The following KIF5A variants were observed in gnomAD, a reference collection of about 807,000 sequenced individuals.
KIF5A encodes kinesin heavy chain isoform 5A.
A neutral mutation model predicts 141.3 loss-of-function variants in KIF5A; 35 were observed. That is an observed-to-expected ratio of 0.25 (90% confidence interval 0.19 to 0.33). The LOEUF is 0.33. KIF5A is among the 10% of genes least tolerant of loss of function. The pLI is 1.00. For synonymous variants in KIF5A, 448 were observed against 500.2 expected (o/e 0.90, Z 1.39); for missense variants, 861 against 1,314.3 (o/e 0.66, Z 5.33).
rs1349657516 is a variant in KIF5A at position 57,550,504 on chromosome 12, G to C, written c.129+104G>C. 5.7e-6 allele frequency: 7 copies of C among 1,218,370 alleles called. No homozygotes were observed. In the East Asian group the frequency reaches 1.5e-4, roughly 26 times the overall value. 75.5% of individuals were successfully genotyped at this position (1,218,370 alleles called of 1,614,324 possible). A position where few individuals can be genotyped will look rare whatever the true frequency, so the allele number is the denominator to read the frequency against. On this transcript the variant is annotated intron_variant, in intron 1 of 28. Coordinates refer to ENST00000455537, the MANE Select transcript of KIF5A (RefSeq NM_004984.4). The surrounding 1 kb of genome is among the most constrained non-coding windows in gnomAD (Gnocchi z 4.6). Reference sequence around the variant, plus strand: ...GCTGGTCCCTTTGCTCCCCCTCCCCGCCGCTCATCCTTCATCCTCTTCCCC... The same window carrying C: ...GCTGGTCCCTTTGCTCCCCCTCCCCCCCGCTCATCCTTCATCCTCTTCCCC...
intron 16 of KIF5A, 41 bp from the exon 17 acceptor site, chr12:57,575,599 T>G: frequency 6.5e-7 from 1 of 1,536,720 alleles, no homozygotes; most frequent in Non-Finnish European, 9.0e-7. Context: ...GTTTGTGTCC[T>G]TTGCTCCATC....
chr12:57,565,305 C>T (rs1425118528), intron 6 of KIF5A, among the ~76,000 whole-genome samples: 1 of 151,940 alleles, frequency 6.6e-6, no homozygotes, highest in Non-Finnish European at 1.5e-5. Flanking sequence ...CTTGTAATCC[C>T]AGCTATTTGG....
In KIF5A at chr12:57,573,828, C is replaced by CA. The variant is rs556161029; in HGVS notation, c.1716+1121dup. On this transcript the variant is annotated intron_variant, in intron 15 of 28. Coordinates refer to ENST00000455537, the MANE Select transcript of KIF5A (RefSeq NM_004984.4). Reference sequence around the variant, plus strand: ...GGGCAACAAGAGTGAAACTCCGTCTCAAAAAAAAAAAAAAAAAAATTTGGG... The same window carrying CA: ...GGGCAACAAGAGTGAAACTCCGTCTCAAAAAAAAAAAAAAAAAAAATTTGGG... Among the ~76,000 whole-genome samples the CA allele has an allele frequency of 7.9e-3, 512 of 65,130 alleles. 4 individuals are homozygous for CA. Among genetic ancestry groups the CA allele is most frequent in the African/African-American group, 0.015 (301 of 19,812 alleles). The allele number at this position is 65,130 out of a possible 152,430, so 42.7% of individuals were successfully genotyped here.
chr12:57,581,443 A>G lies in KIF5A; in HGVS notation c.2784A>G (p.Pro928=), dbSNP rs1467156414. 7.4e-6 allele frequency: 12 copies of G among 1,613,950 alleles called. No homozygotes were observed. The highest frequency in any genetic ancestry group is 1.0e-5 in the Non-Finnish European group (12 of 1,179,976). Residue 928 remains proline (P), a synonymous_variant, in exon 25 of 29, where the codon CCA becomes CCG. Transcript: ENST00000455537. ...IAKPVRPGHY[P]ASSPTNPYGT... ...AACCCGTCCGGCCTGGCCACTACCC[A>G]GCATCCTCACCCACCAACCCCTATG...
In KIF5A at chr12:57,563,698, G is replaced by A. The variant is rs775732465; in HGVS notation, c.291+5G>A. ...GGGAAAACACATACCATGGAGGTGA[G>A]GGTTCTGGCTTTGGTGGTTGAGGGG... On this transcript the variant is annotated splice_donor_5th_base_variant and intron_variant, in intron 3 of 28. Coordinates refer to ENST00000455537, the MANE Select transcript of KIF5A (RefSeq NM_004984.4). The A allele has an allele frequency of 1.4e-5, 23 of 1,613,470 alleles. No homozygotes were observed. Among genetic ancestry groups the A allele is most frequent in the Non-Finnish European group, 2.0e-5 (23 of 1,179,452 alleles).
chr12:57,563,609 G>A lies in KIF5A; in HGVS notation c.218-11G>A, dbSNP rs1313442968. On this transcript the variant is annotated splice_polypyrimidine_tract_variant and intron_variant, in intron 2 of 28. Transcript: ENST00000455537. ...TCTCCACCAGTACTCTTTCTCTACT[G>A]TCTCTTCCAGATGTCCTTGCTGGCT... 1.2e-6 allele frequency: 2 copies of A among 1,613,930 alleles called. No individual in the cohort carries two copies. Among genetic ancestry groups the A allele is most frequent in the East Asian group, 4.5e-5 (2 of 44,886 alleles).
At position 57,568,419 on chromosome 12, in the gene KIF5A, A is replaced by G. The variant is rs1437356066; in HGVS notation, c.715-544A>G. Among the ~76,000 whole-genome samples the G allele has an allele frequency of 2.0e-5, 3 of 152,024 alleles. No homozygotes were observed. The East Asian group carries it at 5.8e-4, about 29-fold the overall frequency. On this transcript the variant is annotated intron_variant, in intron 8 of 28. Transcript: ENST00000455537. ...GTCTCTATGGATTTGCCTATCCTGA[A>G]CATTTCATATAAATGGAATCATATG...
intron 1 of KIF5A, among the ~76,000 whole-genome samples, chr12:57,553,024 A>G (rs1881626731): frequency 6.6e-6 from 1 of 152,074 alleles, no homozygotes; most frequent in African/African-American, 2.4e-5. Context: ...GGCTTAGCCA[A>G]AGTTAATGGC....
rs1343755854 is a variant in KIF5A at position 57,586,323 on chromosome 12, C to T, written c.*2142C>T. ...AGCGCAGATGAGGAGAGAGATGACA[C>T]AGAGGGAGCAGCCTTCTCTTTAGCA... is the stretch of plus-strand genomic sequence containing the variant. On this transcript the variant is annotated 3_prime_UTR_variant, in exon 29 of 29. Transcript: ENST00000455537. 1 of 152,198 alleles carries T rather than the reference C, an allele frequency of 6.6e-6. No individual in the cohort carries two copies. Among genetic ancestry groups the T allele is most frequent in the Admixed American group, 6.5e-5 (1 of 15,282 alleles). The allele number at this position is 152,198 out of a possible 1,614,324, so 9.4% of individuals were successfully genotyped here. A position where few individuals can be genotyped will look rare whatever the true frequency, so the allele number is the denominator to read the frequency against.
At chr12:57,565,491 G>A (rs1273398158) in intron 6 of KIF5A, among the ~76,000 whole-genome samples, 2 of 151,518 alleles carry the variant, frequency 1.3e-5, no homozygotes, top group African/African-American at 2.4e-5. Flanking sequence ...AATTTAATTT[G>A]CAAATCAAAG....
intron 12 of KIF5A, 136 bp downstream of exon 12, chr12:57,570,298 A>G (rs938647597): frequency 1.1e-4 from 87 of 771,672 alleles, no homozygotes; most frequent in Admixed American, 2.7e-4. Flanking sequence ...AAACATCAAT[A>G]TAAATGTATG....
rs570782912 is a variant in KIF5A, at chr12:57,570,636, C to T, written c.1293+474C>T. Among the ~76,000 whole-genome samples the T allele has an allele frequency of 3.3e-4, 50 of 152,150 alleles. 1 individual carries two copies. Among genetic ancestry groups the T allele is most frequent in the African/African-American group, 1.2e-3 (48 of 41,510 alleles). Reference sequence around the variant, plus strand: ...CTGACCTCTGGCGATCCGCCCGCCTCGGCCCCCTGAAGTGCTTGGATTACA... The same window carrying T: ...CTGACCTCTGGCGATCCGCCCGCCTTGGCCCCCTGAAGTGCTTGGATTACA... On this transcript the variant is annotated intron_variant, in intron 12 of 28. Transcript: ENST00000455537.
At chr12:57,574,263 T>C (rs1882351370) in intron 15 of KIF5A, among the ~76,000 whole-genome samples, 1 of 141,754 alleles carries the variant, frequency 7.1e-6, no homozygotes, top group South Asian at 2.4e-4. Flanking sequence ...AGTGGGGGAC[T>C]GTCAGAATTG....
intron 7 of KIF5A, 62 bp downstream of exon 7, chr12:57,567,275 G>T: frequency 7.1e-7 from 1 of 1,408,320 alleles, no homozygotes; most frequent in East Asian, 2.3e-5. Context: ...TGTGTCCTCT[G>T]GGGTGGAGGG....
intron 1 of KIF5A, among the ~76,000 whole-genome samples, chr12:57,552,674 C>T (rs1272772322): frequency 3.3e-5 from 5 of 152,160 alleles, no homozygotes; most frequent in Admixed American, 2.0e-4. Flanking sequence ...AAGGAAATTC[C>T]TACTCCTTTT....
intron 24 of KIF5A, 46 bp downstream of exon 24, chr12:57,581,218 A>T (rs1445517747): frequency 6.4e-7 from 1 of 1,573,548 alleles, no homozygotes; most frequent in South Asian, 1.1e-5. Flanking sequence ...CCTGAAGCAA[A>T]TTTAGCAAAT....
chr12:57,564,043 A>C, intron 3 of KIF5A, 65 bp from the exon 4 acceptor site: 8 of 1,134,482 alleles, frequency 7.1e-6, no homozygotes, highest in Non-Finnish European at 1.1e-5. Context: ...GTTCACCTGC[A>C]TACATCTGAG....
chr12:57,576,664 A>T, intron 19 of KIF5A, 97 bp from the exon 20 acceptor site: 1 of 901,322 alleles, frequency 1.1e-6, no homozygotes, highest in Non-Finnish European at 1.8e-6. Flanking sequence ...AACTGGACTC[A>T]CTCGTTCAAA....
chr12:57,575,138 A>G lies in KIF5A; in HGVS notation c.1771A>G (p.Ile591Val), dbSNP rs761362390. The change falls in exon 16 of 29, where the codon ATC (isoleucine) becomes GTC (valine). Residue 591 changes from isoleucine (I) to valine (V), a missense_variant. Around this residue, in one of 5 missense-constraint regions of KIF5A, gnomAD observed 482 missense variants for 661.3 expected, o/e 0.73. Transcript: ENST00000455537. ...EEEFTVARLY[I>V]SKIKSEVKSV... ...GGAGTTCACTGTGGCCCGACTCTAC[A>G]TCAGCAAAATCAAATCAGAAGTCAA... 7 of 1,613,968 alleles carry G rather than the reference A, an allele frequency of 4.3e-6. No homozygotes were observed. The highest frequency in any genetic ancestry group is 1.1e-5 in the South Asian group (1 of 91,080).
Sources: gnomAD v4.1 joint callset for allele counts (sites outside exome capture counted in the v4.1 genomes callset) on GRCh38, gnomAD v4.1.1 for gene constraint, gnomAD v4.1.1 regional missense constraint, Gnocchi (gnomAD v3.1) non-coding constraint, MANE v1.5 for transcripts, NCBI Gene and HGNC (gene_info 2026-07-23, HGNC 2026-07-21) for gene names.